Variants in ASB18 observed in about 807,000 individuals in gnomAD.
ASB18 encodes the protein ankyrin repeat and SOCS box protein 18.
A neutral mutation model predicts 33.4 loss-of-function variants in ASB18; 33 were observed. The observed-to-expected ratio is 0.99, with a 90% CI of 0.75 to 1.32. The LOEUF (loss-of-function observed/expected upper bound fraction) is 1.32, where lower values mean the gene tolerates loss of function less well. Among genes scored for constraint, ASB18 ranks in the 40% most tolerant of loss-of-function variants. The pLI, the probability that ASB18 is intolerant of heterozygous loss-of-function variation, is 0.00. For synonymous variants in ASB18, 295 were observed against 307.6 expected, an observed-to-expected ratio of 0.96 and a Z score of 0.43; for missense variants, 694 against 655.5, an observed-to-expected ratio of 1.06 and a Z score of -0.64.
chr2:236,195,021 C>T lies in ASB18; in HGVS notation c.1252G>A (p.Ala418Thr), dbSNP rs1218184304. The T allele has an allele frequency of 1.2e-6, 2 of 1,613,348 alleles. No homozygotes were observed. The highest frequency in any genetic ancestry group is 2.7e-5 in the African/African-American group (2 of 75,018). ...TGCTGCAGGCAGCGTGGGGTGAGGG[C>T]CAAGGCAAAGAGGGACTGGTAGAAC... ...KPFYQSLFAL[A>T]LTPRCLQHLC... Residue 418 changes from alanine to threonine, a missense_variant, in exon 6 of 6, where the codon GCC becomes ACC. Coordinates refer to ENST00000409749, the MANE Select transcript of ASB18 (RefSeq NM_212556.4). This position sits in a 1 kb window ranked among gnomAD's most constrained non-coding sequence, Gnocchi z 5.5.
At chr2:236,210,866 T>G (rs1018275412) in intron 4 of ASB18, among the ~76,000 whole-genome samples, 2 of 152,176 alleles carry the variant, frequency 1.3e-5, no homozygotes, top group African/African-American at 4.8e-5. Context: ...CAGCTCTGTG[T>G]CCCATCTTGG....
chr2:236,200,574 G>GA lies in ASB18; in HGVS notation c.1102-4190dup, dbSNP rs1259420837. On this transcript the variant is annotated intron_variant, in intron 4 of 5. Coordinates refer to ENST00000409749, the MANE Select transcript of ASB18 (RefSeq NM_212556.4). The surrounding 1 kb of genome is among the most constrained non-coding windows in gnomAD (Gnocchi z 4.2). The stretch of plus-strand genomic sequence containing the variant: ...GGATACACAGCTAGCCTGAGGCAAA[G>GA]AGCCAGCCCAGAGAATGCATGTTCT... 6.6e-6 allele frequency among the ~76,000 whole-genome samples: 1 copy of GA among 152,152 alleles called. No homozygotes were observed. Among genetic ancestry groups the GA allele is most frequent in the Non-Finnish European group, 1.5e-5 (1 of 68,036 alleles).
At chr2:236,207,606 C>G (rs533902421) in intron 4 of ASB18, among the ~76,000 whole-genome samples, 1 of 95,360 alleles carries the variant, frequency 1.0e-5, no homozygotes, top group South Asian at 3.3e-4. Context: ...ACTCTGTGCC[C>G]AGCCGGGAGA....
chr2:236,218,461 TC>T (rs1172750872), intron 3 of ASB18, among the ~76,000 whole-genome samples: 1 of 152,140 alleles, frequency 6.6e-6, no homozygotes, highest in Non-Finnish European at 1.5e-5. Flanking sequence ...CACTGTACAG[TC>T]CCATTTTGAA....
rs1394685906 is a variant in ASB18, at chr2:236,262,809, A to C, written c.205+1332T>G. Among the ~76,000 whole-genome samples the C allele has an allele frequency of 6.6e-6, 1 of 152,166 alleles. No individual in the cohort carries two copies. The highest frequency in any genetic ancestry group is 1.5e-5 in the Non-Finnish European group (1 of 68,022). Reference sequence around the variant, plus strand: ...AGGAAAACCAAGGTGAAGAGGAAGCAAGAGAAGGTTCCTCCCTAAAGCGAC... The same window carrying C: ...AGGAAAACCAAGGTGAAGAGGAAGCCAGAGAAGGTTCCTCCCTAAAGCGAC... On this transcript the variant is annotated intron_variant, in intron 1 of 5. Coordinates refer to ENST00000409749, the MANE Select transcript of ASB18 (RefSeq NM_212556.4). The surrounding 1 kb of genome is among the most constrained non-coding windows in gnomAD (Gnocchi z 5.2).
At position 236,195,025 on chromosome 2, in the gene ASB18, G is replaced by GGCAAAGAGGGACTGGTAGAACGGCTTGT. The variant is rs1329410109; in HGVS notation, c.1220_1247dup (p.Leu417GlnfsTer35). 1 of 1,613,220 alleles carries GGCAAAGAGGGACTGGTAGAACGGCTTGT rather than the reference G, an allele frequency of 6.2e-7. No homozygotes were observed. The highest frequency in any genetic ancestry group is 8.5e-7 in the Non-Finnish European group (1 of 1,179,592). On this transcript the variant is annotated frameshift_variant, in exon 6 of 6. Coordinates refer to ENST00000409749, the MANE Select transcript of ASB18 (RefSeq NM_212556.4). LOFTEE classifies it low-confidence loss of function (END_TRUNC). This position sits in a 1 kb window ranked among gnomAD's most constrained non-coding sequence, Gnocchi z 5.5. ...GCAGGCAGCGTGGGGTGAGGGCCAA[G>GGCAAAGAGGGACTGGTAGAACGGCTTGT]GCAAAGAGGGACTGGTAGAACGGCT... is the stretch of plus-strand genomic sequence containing the variant.
Position 236,244,893 on chromosome 2 carries a change from T to C in ASB18, c.206-3491A>G, listed in dbSNP as rs893561539. Among the ~76,000 whole-genome samples, 4 of 152,230 alleles carry C rather than the reference T, an allele frequency of 2.6e-5. No individual in the cohort carries two copies. Among genetic ancestry groups the C allele is most frequent in the African/African-American group, 7.2e-5 (3 of 41,452 alleles). On this transcript the variant is annotated intron_variant, in intron 1 of 5. Coordinates refer to ENST00000409749, the MANE Select transcript of ASB18 (RefSeq NM_212556.4). This position sits in a 1 kb window ranked among gnomAD's most constrained non-coding sequence, Gnocchi z 6.1. ...GACCCCTGTTACAGGCATGAGTTTA[T>C]GTGCACAGACTGACCCAAGGCCTGG...
In ASB18 at chr2:236,222,007, C is replaced by T. The variant is rs2060515008; in HGVS notation, c.597-7141G>A. ...TATGGGGGCAAGGTTGCAGGGGAGCCTTGGGAGGAAAACAGAGCCGTGTTT... is the reference window on the plus strand; with the variant it reads ...TATGGGGGCAAGGTTGCAGGGGAGCTTTGGGAGGAAAACAGAGCCGTGTTT... On this transcript the variant is annotated intron_variant, in intron 3 of 5. Coordinates refer to ENST00000409749, the MANE Select transcript of ASB18 (RefSeq NM_212556.4). This position sits in a 1 kb window ranked among gnomAD's most constrained non-coding sequence, Gnocchi z 5.5. Among the ~76,000 whole-genome samples, 1 of 152,132 alleles carries T rather than the reference C, an allele frequency of 6.6e-6. No homozygotes were observed. The highest frequency in any genetic ancestry group is 2.4e-5 in the African/African-American group (1 of 41,414).
At position 236,214,730 on chromosome 2, in the gene ASB18, C is replaced by T. The variant is rs2060477803; in HGVS notation, c.733G>A (p.Val245Met). ...ARLYLGRGAH[V>M]DARNGRGETA... is the part of the protein sequence containing the mutation. The stretch of plus-strand genomic sequence containing the variant: ...TCTCCGCGGCCGTTCCTCGCGTCCA[C>T]GTGCGCCCCGCGGCCCAGGTACAGG... The change falls in exon 4 of 6, where the codon GTG (valine) becomes ATG (methionine). Residue 245 changes from valine to methionine, a missense_variant. By Grantham distance (21) the Val-to-Met change is conservative. Transcript: ENST00000409749. The surrounding 1 kb of genome is among the most constrained non-coding windows in gnomAD (Gnocchi z 6.5). 2.6e-6 allele frequency: 3 copies of T among 1,162,268 alleles called. No homozygotes were observed. Among genetic ancestry groups the T allele is most frequent in the Non-Finnish European group, 3.2e-6 (3 of 944,318 alleles). 72.0% of individuals were successfully genotyped at this position (1,162,268 alleles called of 1,614,324 possible).
Position 236,195,689 on chromosome 2 carries a change from T to C in ASB18, c.1215+583A>G, listed in dbSNP as rs1164585624. The stretch of plus-strand genomic sequence containing the variant: ...TGCCACCATGCTTGGGTAATTTCTG[T>C]ATTTTCAGTAAAGACAAGCTTTCAC... On this transcript the variant is annotated intron_variant, in intron 5 of 5. Transcript: ENST00000409749. This position sits in a 1 kb window ranked among gnomAD's most constrained non-coding sequence, Gnocchi z 5.5. Among the ~76,000 whole-genome samples, 1 of 152,146 alleles carries C rather than the reference T, an allele frequency of 6.6e-6. No homozygotes were observed. Among genetic ancestry groups the C allele is most frequent in the Non-Finnish European group, 1.5e-5 (1 of 68,032 alleles).
Position 236,241,414 on chromosome 2 carries a change from G to C in ASB18, c.206-12C>G. 1 of 1,613,920 alleles carries C rather than the reference G, an allele frequency of 6.2e-7. No individual in the cohort carries two copies. Among genetic ancestry groups the C allele is most frequent in the Non-Finnish European group, 8.5e-7 (1 of 1,179,844 alleles). ...ATGGTCGAGGTCCCCTGCGACCAGGGCAGTGTGGTACTCCTGCACCGGGGA... is the reference window on the plus strand; with the variant it reads ...ATGGTCGAGGTCCCCTGCGACCAGGCCAGTGTGGTACTCCTGCACCGGGGA... On this transcript the variant is annotated splice_polypyrimidine_tract_variant and intron_variant, in intron 1 of 5. Coordinates refer to ENST00000409749, the MANE Select transcript of ASB18 (RefSeq NM_212556.4). The surrounding 1 kb of genome is among the most constrained non-coding windows in gnomAD (Gnocchi z 4.2).
At position 236,216,012 on chromosome 2, in the gene ASB18, C is replaced by T. The variant is rs1220137557; in HGVS notation, c.597-1146G>A. Reference sequence around the variant, plus strand: ...GCTTCAGTTCCTTTCCTGGGCAGCACTGTGGTCACCTCGTCATCTGCATCC... The same window carrying T: ...GCTTCAGTTCCTTTCCTGGGCAGCATTGTGGTCACCTCGTCATCTGCATCC... On this transcript the variant is annotated intron_variant, in intron 3 of 5. Transcript: ENST00000409749. The surrounding 1 kb of genome is among the most constrained non-coding windows in gnomAD (Gnocchi z 6.1). 2.6e-5 allele frequency among the ~76,000 whole-genome samples: 4 copies of T among 152,178 alleles called. No individual in the cohort carries two copies. Among genetic ancestry groups the T allele is most frequent in the Admixed American group, 2.6e-4 (4 of 15,280 alleles).
In ASB18 at chr2:236,204,578, T is replaced by C. The variant is rs1278656015; in HGVS notation, c.1102-8193A>G. ...TGGCCAAATCTCTCCCTCTCAAACT[T>C]TGGGCTTCGATATCCAGCTGCTTAC... is the stretch of plus-strand genomic sequence containing the variant. On this transcript the variant is annotated intron_variant, in intron 4 of 5. Coordinates refer to ENST00000409749, the MANE Select transcript of ASB18 (RefSeq NM_212556.4). This position sits in a 1 kb window ranked among gnomAD's most constrained non-coding sequence, Gnocchi z 5.1. 6.6e-6 allele frequency among the ~76,000 whole-genome samples: 1 copy of C among 152,212 alleles called. No individual in the cohort carries two copies. Among genetic ancestry groups the C allele is most frequent in the Non-Finnish European group, 1.5e-5 (1 of 68,048 alleles).
Position 236,264,306 on chromosome 2 carries a change from A to G in ASB18, c.40T>C (p.Ser14Pro), listed in dbSNP as rs759551732. Residue 14 changes from serine (S) to proline (P), a missense_variant, in exon 1 of 6, where the codon TCA (serine) becomes CCA (proline). Physicochemically the swap from Ser to Pro is moderately conservative, Grantham distance 74. Coordinates refer to ENST00000409749, the MANE Select transcript of ASB18 (RefSeq NM_212556.4). The surrounding 1 kb of genome is among the most constrained non-coding windows in gnomAD (Gnocchi z 5.1). Reference protein sequence around the residue: ...SDYLPDYPLNSDLVKRLKSAL... With the variant: ...SDYLPDYPLNPDLVKRLKSAL... The stretch of plus-strand genomic sequence containing the variant: ...GACTTTAATCTCTTCACTAAATCTG[A>G]GTTGAGTGGGTAGTCGGGAAGGTAA... 1.2e-6 allele frequency: 2 copies of G among 1,611,042 alleles called. No individual in the cohort carries two copies. Among genetic ancestry groups the G allele is most frequent in the African/African-American group, 1.3e-5 (1 of 74,720 alleles).
rs150002852 is a variant in ASB18, at chr2:236,219,936, A to G, written c.597-5070T>C. 3.3e-5 allele frequency among the ~76,000 whole-genome samples: 5 copies of G among 152,342 alleles called. No individual in the cohort carries two copies. The East Asian group carries it at 9.7e-4, about 29-fold the overall frequency. On this transcript the variant is annotated intron_variant, in intron 3 of 5. Transcript: ENST00000409749. The surrounding 1 kb of genome is among the most constrained non-coding windows in gnomAD (Gnocchi z 6.4). ...ACAACTTTGTCTTTATCTTGCAAGG[A>G]TTAAGGAGACACCATGTTGTCTCAA...
rs2060691629 is a variant in ASB18 at position 236,256,298 on chromosome 2, G to T, written c.205+7843C>A. ...CACCTTAGCCTCCCAAAGTGCTGGG[G>T]TTACAGGCATGAACCACCATGCCCG... On this transcript the variant is annotated intron_variant, in intron 1 of 5. Coordinates refer to ENST00000409749, the MANE Select transcript of ASB18 (RefSeq NM_212556.4). This position sits in a 1 kb window ranked among gnomAD's most constrained non-coding sequence, Gnocchi z 4.7. Among the ~76,000 whole-genome samples, 1 of 152,088 alleles carries T rather than the reference G, an allele frequency of 6.6e-6. No homozygotes were observed. Among genetic ancestry groups the T allele is most frequent in the Non-Finnish European group, 1.5e-5 (1 of 68,010 alleles).
rs1374272778 is a variant in ASB18 at position 236,257,756 on chromosome 2, G to A, written c.205+6385C>T. Among the ~76,000 whole-genome samples, 1 of 152,184 alleles carries A rather than the reference G, an allele frequency of 6.6e-6. No homozygotes were observed. The highest frequency in any genetic ancestry group is 6.5e-5 in the Admixed American group (1 of 15,282). On this transcript the variant is annotated intron_variant, in intron 1 of 5. Coordinates refer to ENST00000409749, the MANE Select transcript of ASB18 (RefSeq NM_212556.4). This position sits in a 1 kb window ranked among gnomAD's most constrained non-coding sequence, Gnocchi z 5.5. ...CAAGTGAACACAGGTGAGCAGCAGT[G>A]TTCCGGTCTGTAGAACGCAGCTGTG...
chr2:236,241,653 T>G lies in ASB18; in HGVS notation c.206-251A>C. 1.6e-6 allele frequency: 1 copy of G among 618,826 alleles called. No individual in the cohort carries two copies. The highest frequency in any genetic ancestry group is 2.9e-6 in the Non-Finnish European group (1 of 347,708). The allele number at this position is 618,826 out of a possible 1,614,324, so 38.3% of individuals were successfully genotyped here. A position where few individuals can be genotyped will look rare whatever the true frequency, so the allele number is the denominator to read the frequency against. ...GATGGTGGTATATTTATAACTCCTG[T>G]GGGCTCCGATGTGATAATGGTTACT... On this transcript the variant is annotated intron_variant, in intron 1 of 5. Transcript: ENST00000409749. This position sits in a 1 kb window ranked among gnomAD's most constrained non-coding sequence, Gnocchi z 4.2.
chr2:236,241,523 A>T lies in ASB18; in HGVS notation c.206-121T>A, dbSNP rs2015983. 31 of 1,164,832 alleles carry T rather than the reference A, an allele frequency of 2.7e-5. No individual in the cohort carries two copies. Among genetic ancestry groups the T allele is most frequent in the Middle Eastern group, 1.9e-4 (1 of 5,246 alleles). 72.2% of individuals were successfully genotyped at this position (1,164,832 alleles called of 1,614,324 possible). Reference sequence around the variant, plus strand: ...ACTGGCCCTGGCTGTCTCTCCATTGAGATGCCGTCGATTTCAGAAGAGTTC... The same window carrying T: ...ACTGGCCCTGGCTGTCTCTCCATTGTGATGCCGTCGATTTCAGAAGAGTTC... On this transcript the variant is annotated intron_variant, in intron 1 of 5. Coordinates refer to ENST00000409749, the MANE Select transcript of ASB18 (RefSeq NM_212556.4). This position sits in a 1 kb window ranked among gnomAD's most constrained non-coding sequence, Gnocchi z 4.2.
Sources: allele counts gnomAD v4.1 joint callset (sites outside exome capture counted in the v4.1 genomes callset), GRCh38; gene constraint gnomAD v4.1.1; non-coding constraint Gnocchi (gnomAD v3.1); transcripts MANE v1.5; gene names NCBI Gene and HGNC (gene_info 2026-07-23, HGNC 2026-07-21).